BAIAP2L1: variants seen among roughly 807,000 people sequenced by gnomAD.
The protein encoded by BAIAP2L1 is BAR/IMD domain-containing adapter protein 2-like 1.
Under a neutral mutation model 66.3 loss-of-function variants are expected in BAIAP2L1, and 35 were observed. The ratio of observed to expected loss-of-function variants is 0.53; its 90% CI spans 0.40 to 0.70. BAIAP2L1 has a LOEUF of 0.70. Ranked by LOEUF, BAIAP2L1 falls within the 30% of genes least tolerant of loss-of-function variation. The pLI is 0.00. For missense variants in BAIAP2L1, 622 were observed against 656.9 expected (o/e 0.95, Z 0.58); for synonymous variants, 269 against 248.7 (o/e 1.08, Z -0.77).
intron 3 of BAIAP2L1, among the ~76,000 whole-genome samples, chr7:98,348,215 T>C (rs1024733658): frequency 5.3e-5 from 8 of 151,828 alleles, no homozygotes; most frequent in Admixed American, 1.3e-4. Context: ...ACCAATGAAA[T>C]AGAAAACAAA....
At chr7:98,364,489 T>C (rs1402396946) in intron 1 of BAIAP2L1, among the ~76,000 whole-genome samples, 1 of 152,192 alleles carries the variant, frequency 6.6e-6, no homozygotes, top group African/African-American at 2.4e-5. Context: ...TGGTGGCCTG[T>C]GGCAGCGCTC....
intron 1 of BAIAP2L1, chr7:98,385,757 T>G (rs747167139): frequency 9.4e-5 from 126 of 1,335,230 alleles, no homozygotes; most frequent in Non-Finnish European, 1.2e-4. Flanking sequence ...TTTTCACAAA[T>G]AGCACTCTTT....
At chr7:98,344,299 G>C (rs1365399288) in intron 3 of BAIAP2L1, among the ~76,000 whole-genome samples, 2 of 152,170 alleles carry the variant, frequency 1.3e-5, no homozygotes, top group African/African-American at 2.4e-5. Context: ...AAATTGAAAG[G>C]TTTCAAATTA....
Position 98,393,175 on chromosome 7 carries a change from A to ATACACATATGTG in BAIAP2L1, c.51+7626_51+7627insCACATATGTGTA, listed in dbSNP as rs375107527. Among the ~76,000 whole-genome samples, 737 of 138,122 alleles carry ATACACATATGTG rather than the reference A, an allele frequency of 5.3e-3. 37 individuals carry two copies. The highest frequency in any genetic ancestry group is 0.018 in the African/African-American group (685 of 37,178). The allele number at this position is 138,122 out of a possible 152,430, so 90.6% of individuals were successfully genotyped here. A position where few individuals can be genotyped will look rare whatever the true frequency, so the allele number is the denominator to read the frequency against. On this transcript the variant is annotated intron_variant, in intron 1 of 13. Coordinates refer to ENST00000005260, the MANE Select transcript of BAIAP2L1 (RefSeq NM_018842.5). Reference sequence around the variant, plus strand: ...TATATGTACACATATATGTATATATATACATATATGTGTGTGTTTATATAT... The same window carrying ATACACATATGTG: ...TATATGTACACATATATGTATATATATACACATATGTGTACATATATGTGTGTGTTTATATAT...
At chr7:98,330,963 A>G (rs1205084127) in intron 3 of BAIAP2L1, among the ~76,000 whole-genome samples, 1 of 152,110 alleles carries the variant, frequency 6.6e-6, no homozygotes, top group Admixed American at 6.5e-5. Flanking sequence ...CTAGGCCCCC[A>G]CCTCCAATAG....
In BAIAP2L1 at chr7:98,362,364, A is replaced by G. The variant is rs1213416970; in HGVS notation, c.120T>C (p.Ala40=). ...LINLGKNYEK[A]VNAMILAGKA... Reference sequence around the variant, plus strand: ...TCAGAAAAACAGACTTACCGTTTACAGCTTTCTCATAATTTTTCCCCAGGT... The same window carrying G: ...TCAGAAAAACAGACTTACCGTTTACGGCTTTCTCATAATTTTTCCCCAGGT... The change falls in exon 2 of 14, where the codon GCT becomes GCC. Residue 40 remains alanine, a synonymous_variant. Transcript: ENST00000005260. 1 of 1,608,444 alleles carries G rather than the reference A, an allele frequency of 6.2e-7. No homozygotes were observed. The highest frequency in any genetic ancestry group is 1.1e-5 in the South Asian group (1 of 90,614).
chr7:98,391,584 C>T (rs1017446488), intron 1 of BAIAP2L1, among the ~76,000 whole-genome samples: 1 of 151,656 alleles, frequency 6.6e-6, no homozygotes, highest in African/African-American at 2.4e-5. Context: ...TGGTGGCGGG[C>T]ACCTGTAGTC....
chr7:98,343,951 C>T (rs894400709), intron 3 of BAIAP2L1, among the ~76,000 whole-genome samples: 4 of 152,146 alleles, frequency 2.6e-5, no homozygotes, highest in Non-Finnish European at 5.9e-5. Context: ...GAGGCCGAGG[C>T]GGACGGATCA....
At position 98,307,739 on chromosome 7, in the gene BAIAP2L1, G is replaced by A. The variant is rs937174605; in HGVS notation, c.1113C>T (p.Ile371=). The A allele has an allele frequency of 2.5e-6, 4 of 1,614,262 alleles. No homozygotes were observed. The highest frequency in any genetic ancestry group is 3.4e-6 in the Non-Finnish European group (4 of 1,180,052). ...FAQGDVITLL[I]PEEKDGWLYG... is the part of the protein sequence containing the mutation. ...AGAGCCAGCCATCCTTCTCCTCGGG[G>A]ATGAGCAGCGTGATGACATCTCCCT... The change falls in exon 10 of 14, where the codon ATC becomes ATT. Residue 371 remains isoleucine, a synonymous_variant. Transcript: ENST00000005260.
Position 98,321,637 on chromosome 7 carries a change from C to T in BAIAP2L1, c.215-1339G>A, listed in dbSNP as rs1801250195. Among the ~76,000 whole-genome samples the T allele has an allele frequency of 1.3e-5, 2 of 152,338 alleles. 1 individual carries two copies. The highest frequency in any genetic ancestry group is 4.8e-5 in the African/African-American group (2 of 41,584). ...GATAAAGGTGAACAAGGGCCTCTCT[C>T]TGCCAACTTATCTGCAGGAACCAAA... is the stretch of plus-strand genomic sequence containing the variant. On this transcript the variant is annotated intron_variant, in intron 3 of 13. Transcript: ENST00000005260.
chr7:98,388,848 C>T (rs1015157995), intron 1 of BAIAP2L1, among the ~76,000 whole-genome samples: 1 of 152,044 alleles, frequency 6.6e-6, no homozygotes, highest in Admixed American at 6.6e-5. Flanking sequence ...GCGGCACGTG[C>T]CTGTAGTCCC....
chr7:98,393,167 GTA>G (rs149859832), intron 1 of BAIAP2L1, among the ~76,000 whole-genome samples: 3 of 81,202 alleles, frequency 3.7e-5, no homozygotes, highest in African/African-American at 4.7e-5. Context: ...ACACATATAT[GTA>G]TATATATACA....
chr7:98,344,917 C>A (rs1801836679), intron 3 of BAIAP2L1, among the ~76,000 whole-genome samples: 2 of 152,196 alleles, frequency 1.3e-5, no homozygotes, highest in African/African-American at 4.8e-5. Flanking sequence ...GCCTAGGCAA[C>A]AAGAGCGAAA....
At position 98,315,565 on chromosome 7, in the gene BAIAP2L1, A is replaced by G. The variant is rs1160309165; in HGVS notation, c.534T>C (p.Ile178=). 1 of 1,493,638 alleles carries G rather than the reference A, an allele frequency of 6.7e-7. No individual in the cohort carries two copies. Among genetic ancestry groups the G allele is most frequent in the Admixed American group, 2.0e-5 (1 of 50,286 alleles). 92.5% of individuals were successfully genotyped at this position (1,493,638 alleles called of 1,614,324 possible). A position where few individuals can be genotyped will look rare whatever the true frequency, so the allele number is the denominator to read the frequency against. Residue 178 remains isoleucine, a synonymous_variant, in exon 7 of 14, where the codon ATT becomes ATC. Coordinates refer to ENST00000005260, the MANE Select transcript of BAIAP2L1 (RefSeq NM_018842.5). The part of the protein sequence containing the change: ...TSRQSEIQKF[I]ADGCKEALLE... ...GCAGAGCCTCTTTGCAACCATCTGC[A>G]ATGAATTTCTGGATTTCACTCTGAC...
intron 1 of BAIAP2L1, among the ~76,000 whole-genome samples, chr7:98,397,207 T>A (rs1408027323): frequency 1.3e-5 from 2 of 150,500 alleles, no homozygotes; most frequent in Non-Finnish European, 3.0e-5. Flanking sequence ...TTCCTTGAGG[T>A]GACACTGAAA....
At chr7:98,370,624 C>G (rs1443979166) in intron 1 of BAIAP2L1, among the ~76,000 whole-genome samples, 1 of 151,892 alleles carries the variant, frequency 6.6e-6, no homozygotes. Context: ...GCCTCAGCCC[C>G]CTGAGTAGCT....
chr7:98,346,705 CCTT>C (rs1476181322), intron 3 of BAIAP2L1, among the ~76,000 whole-genome samples: 1 of 152,144 alleles, frequency 6.6e-6, no homozygotes, highest in Non-Finnish European at 1.5e-5. Context: ...TGCGTTGCCT[CCTT>C]GTCTCCCAGT....
rs548800173 is a variant in BAIAP2L1 at position 98,300,249 on chromosome 7, A to T, written c.1422+3947T>A. On this transcript the variant is annotated intron_variant, in intron 12 of 13. Transcript: ENST00000005260. Reference sequence around the variant, plus strand: ...AGGCTGTGAGGCCAGGAGGCCCAGAACACACAGCCATTCCCCCTGCTCCCT... The same window carrying T: ...AGGCTGTGAGGCCAGGAGGCCCAGATCACACAGCCATTCCCCCTGCTCCCT... Among the ~76,000 whole-genome samples, 3 of 64,416 alleles carry T rather than the reference A, an allele frequency of 4.7e-5. No homozygotes were observed. In the East Asian group the frequency reaches 1.3e-3, roughly 27 times the overall value. 42.3% of individuals were successfully genotyped at this position (64,416 alleles called of 152,430 possible). A position where few individuals can be genotyped will look rare whatever the true frequency, so the allele number is the denominator to read the frequency against.
At chr7:98,356,801 AC>A (rs201427561) in intron 2 of BAIAP2L1, among the ~76,000 whole-genome samples, 3 of 145,478 alleles carry the variant, frequency 2.1e-5, no homozygotes, top group Non-Finnish European at 3.0e-5. Context: ...ACATAAGGAG[AC>A]CCCCCCATAT....
Sources: allele counts gnomAD v4.1 joint callset (sites outside exome capture counted in the v4.1 genomes callset), GRCh38; gene constraint gnomAD v4.1.1; transcripts MANE v1.5; gene names NCBI Gene and HGNC (gene_info 2026-07-23, HGNC 2026-07-21).